SH3BP5: variants seen among roughly 807,000 people sequenced by gnomAD.
SH3BP5 encodes the protein SH3 domain binding protein 5.
Under a neutral mutation model 43.3 loss-of-function variants are expected in SH3BP5, and 22 were observed. The ratio of observed to expected loss-of-function variants is 0.51; its 90% CI spans 0.36 to 0.73. The LOEUF (loss-of-function observed/expected upper bound fraction) is 0.73. SH3BP5 is among the 30% of genes least tolerant of loss of function. SH3BP5 has a pLI of 0.00. For synonymous variants in SH3BP5, 255 were observed against 225.8 expected (o/e 1.13, Z -1.16); for missense variants, 529 against 586.9 (o/e 0.90, Z 1.02).
rs147611131 is a variant in SH3BP5 at position 15,290,311 on chromosome 3, G to A, written c.330+13792C>T. Among the ~76,000 whole-genome samples the A allele has an allele frequency of 6.1e-4, 92 of 151,848 alleles. 3 individuals carry two copies. The East Asian group carries it at 0.017, about 29-fold the overall frequency. Reference sequence around the variant, plus strand: ...TGAGAGGCCAAGGCGGGCAGATCACGAGGTCAGGAGATGGAGACCACCCTG... The same window carrying A: ...TGAGAGGCCAAGGCGGGCAGATCACAAGGTCAGGAGATGGAGACCACCCTG... On this transcript the variant is annotated intron_variant, in intron 3 of 8. Coordinates refer to ENST00000383791, the MANE Select transcript of SH3BP5 (RefSeq NM_004844.5).
chr3:15,281,776 G>C (rs1697136628), intron 3 of SH3BP5, among the ~76,000 whole-genome samples: 1 of 152,284 alleles, frequency 6.6e-6, no homozygotes, highest in African/African-American at 2.4e-5. Context: ...GCTGAGGCAG[G>C]TGGATTACAT....
chr3:15,288,890 A>C (rs1697335466), intron 3 of SH3BP5, among the ~76,000 whole-genome samples: 1 of 152,236 alleles, frequency 6.6e-6, no homozygotes, highest in Admixed American at 6.5e-5. Flanking sequence ...CAAAACACTC[A>C]CTTTATGAGA....
In SH3BP5 at chr3:15,337,914, CA is replaced by C. The variant is rs5846867; in HGVS notation, c.-402+3308del. On this transcript the variant is annotated intron_variant, in intron 1 of 8. Transcript: ENST00000408919. Reference sequence around the variant, plus strand: ...TGGGTGACAGAGTGAGACCCTGACTCAAAAAAAAAAAAAAAAAAAAAAAGTG... The same window carrying C: ...TGGGTGACAGAGTGAGACCCTGACTCAAAAAAAAAAAAAAAAAAAAAAGTG... Among the ~76,000 whole-genome samples, 265 of 63,282 alleles carry C rather than the reference CA, an allele frequency of 4.2e-3. 2 individuals are homozygous for C. The Middle Eastern group carries it at 0.043, about 10-fold the overall frequency. 41.5% of individuals were successfully genotyped at this position (63,282 alleles called of 152,430 possible).
chr3:15,332,083 C>T lies in SH3BP5; in HGVS notation c.138+188G>A, dbSNP rs1484408244. On this transcript the variant is annotated intron_variant, in intron 1 of 8. Coordinates refer to ENST00000383791, the MANE Select transcript of SH3BP5 (RefSeq NM_004844.5). Reference sequence around the variant, plus strand: ...GCAATAGAGTCAGGCCGCATCCACGCGGGCACTGTAGCCTCCTCATTGTGG... The same window carrying T: ...GCAATAGAGTCAGGCCGCATCCACGTGGGCACTGTAGCCTCCTCATTGTGG... 1.1e-5 allele frequency: 10 copies of T among 915,628 alleles called. No homozygotes were observed. In the East Asian group the frequency reaches 2.9e-4, roughly 26 times the overall value. 56.7% of individuals were successfully genotyped at this position (915,628 alleles called of 1,614,324 possible).
At position 15,291,316 on chromosome 3, in the gene SH3BP5, C is replaced by A. The variant is rs73027506; in HGVS notation, c.330+12787G>T. 1.1e-4 allele frequency among the ~76,000 whole-genome samples: 17 copies of A among 151,952 alleles called. No individual in the cohort carries two copies. In the East Asian group the frequency reaches 2.9e-3, roughly 26 times the overall value. On this transcript the variant is annotated intron_variant, in intron 3 of 8. Coordinates refer to ENST00000383791, the MANE Select transcript of SH3BP5 (RefSeq NM_004844.5). ...CTCCACATGCTGTGGATTCAGGAAC[C>A]CCAAGACAGGGCAGCTGACCCCAAA...
At chr3:15,315,905 T>A (rs1405078474) in intron 2 of SH3BP5, among the ~76,000 whole-genome samples, 3 of 152,122 alleles carry the variant, frequency 2.0e-5, no homozygotes, top group African/African-American at 7.2e-5. Flanking sequence ...ATATTTCAGG[T>A]GCATATTTCC....
intron 4 of SH3BP5, 25 bp downstream of exon 4, chr3:15,269,688 C>T (rs751378865): frequency 6.5e-7 from 1 of 1,543,978 alleles, no homozygotes; most frequent in African/African-American, 1.4e-5. Flanking sequence ...CACACCCCCA[C>T]AGCACACCCG....
intron 2 of SH3BP5, among the ~76,000 whole-genome samples, chr3:15,305,108 C>T (rs1340319640): frequency 2.7e-5 from 4 of 148,114 alleles, no homozygotes; most frequent in Non-Finnish European, 5.9e-5. Flanking sequence ...CAGAGTGAGA[C>T]ACTGTCTCAA....
At chr3:15,286,979 C>T (rs1339484261) in intron 3 of SH3BP5, among the ~76,000 whole-genome samples, 2 of 152,270 alleles carry the variant, frequency 1.3e-5, no homozygotes, top group South Asian at 4.1e-4. Flanking sequence ...CTTCTTGACC[C>T]ATGGTTTAGA....
chr3:15,257,193 T>A, intron 7 of SH3BP5, 80 bp from the exon 8 acceptor site: 4 of 1,422,376 alleles, frequency 2.8e-6, no homozygotes, highest in East Asian at 2.3e-5. Context: ...GGCAGGCAGC[T>A]AGACACAGCA....
chr3:15,274,586 C>T (rs1443327798), intron 3 of SH3BP5, among the ~76,000 whole-genome samples: 2 of 152,130 alleles, frequency 1.3e-5, no homozygotes, highest in African/African-American at 4.8e-5. Flanking sequence ...CTCTGCCTCC[C>T]GGGTTCAAGT....
In SH3BP5 at chr3:15,308,153, T is replaced by C. The variant is rs140949682; in HGVS notation, c.202-3922A>G. ...TCATTCAGGTTCCCTGCCCAGCCGC[T>C]AAAGATATCTGATTTGCTGAGAGCT... On this transcript the variant is annotated intron_variant, in intron 2 of 8. Coordinates refer to ENST00000383791, the MANE Select transcript of SH3BP5 (RefSeq NM_004844.5). Among the ~76,000 whole-genome samples, 88 of 152,278 alleles carry C rather than the reference T, an allele frequency of 5.8e-4. 3 individuals carry two copies. In the East Asian group the frequency reaches 0.017, roughly 29 times the overall value.
intron 3 of SH3BP5, among the ~76,000 whole-genome samples, chr3:15,301,518 GC>G (rs889134364): frequency 5.3e-5 from 8 of 152,156 alleles, no homozygotes; most frequent in African/African-American, 1.9e-4. Flanking sequence ...ATGGGGAGAA[GC>G]CCCACAGGGA....
intron 5 of SH3BP5, among the ~76,000 whole-genome samples, chr3:15,261,521 T>C (rs2125047736): frequency 6.6e-6 from 1 of 152,310 alleles, no homozygotes; most frequent in South Asian, 2.1e-4. Context: ...CAGCCTGCTC[T>C]GGGTCTATCT....
At chr3:15,329,266 AAC>A (rs1027965308) in intron 2 of SH3BP5, among the ~76,000 whole-genome samples, 1 of 152,228 alleles carries the variant, frequency 6.6e-6, no homozygotes, top group Middle Eastern at 3.2e-3. Context: ...ACGTGTAAAA[AAC>A]ACTCTGGAAA....
At chr3:15,275,074 GGTGGGACCCTCATGAGGAGATCA>G (rs1696925980) in intron 3 of SH3BP5, among the ~76,000 whole-genome samples, 1 of 152,180 alleles carries the variant, frequency 6.6e-6, no homozygotes, top group African/African-American at 2.4e-5. Context: ...AGGTCCTGAG[GGTGGGACCCTCATGAGGAGATCA>G]GTGCCCTTGT....
intron 2 of SH3BP5, among the ~76,000 whole-genome samples, chr3:15,310,246 A>C (rs147313682): frequency 8.7e-4 from 132 of 152,330 alleles, no homozygotes; most frequent in Non-Finnish European, 1.4e-3. Flanking sequence ...GTTTAAGAGG[A>C]TGGAATGAAA....
chr3:15,290,239 A>G (rs1697373586), intron 3 of SH3BP5, among the ~76,000 whole-genome samples: 1 of 151,910 alleles, frequency 6.6e-6, no homozygotes, highest in Non-Finnish European at 1.5e-5. Context: ...CTAAAAATAC[A>G]AAAATTAGGC....
At chr3:15,313,980 T>C (rs578164968) in intron 2 of SH3BP5, among the ~76,000 whole-genome samples, 26 of 152,064 alleles carry the variant, frequency 1.7e-4, no homozygotes, top group South Asian at 1.7e-3. Flanking sequence ...TGCATGCCTA[T>C]AGTCCCAACT....
Sources: gnomAD v4.1 joint callset for allele counts (sites outside exome capture counted in the v4.1 genomes callset) on GRCh38, gnomAD v4.1.1 for gene constraint, MANE v1.5 for transcripts, NCBI Gene and HGNC (gene_info 2026-07-23, HGNC 2026-07-21) for gene names.